The following TLE1 variants were observed in gnomAD, a reference collection of about 807,000 sequenced individuals.
The protein encoded by TLE1 is transducin-like enhancer protein 1.
A neutral mutation model predicts 89.8 loss-of-function variants in TLE1; 21 were observed. The observed-to-expected ratio is 0.23, with a 90% CI of 0.17 to 0.34. TLE1 has a LOEUF of 0.34. Ranked by LOEUF, TLE1 falls within the 10% of genes least tolerant of loss-of-function variation. The probability of loss-of-function intolerance (pLI) is 1.00; values close to 1 mark genes in which losing one functional copy is unlikely to be tolerated. For synonymous variants in TLE1, 447 were observed against 407.6 expected, an observed-to-expected ratio of 1.10 and a Z score of -1.16; for missense variants, 795 against 1,031.2, an observed-to-expected ratio of 0.77 and a Z score of 3.14.
At chr9:81,596,949 C>G (rs55791956) in intron 14 of TLE1, among the ~76,000 whole-genome samples, 3,187 of 152,230 alleles carry the variant, frequency 0.021, 51 homozygotes, top group Non-Finnish European at 0.035. Context: ...GATTCATTTA[C>G]TTATTCAAGA....
intron 4 of TLE1, among the ~76,000 whole-genome samples, chr9:81,658,336 C>A (rs892094287): frequency 2.0e-5 from 3 of 152,008 alleles, no homozygotes; most frequent in Non-Finnish European, 4.4e-5. Context: ...ACTGGATAAG[C>A]CTGAAACAGG....
intron 4 of TLE1, among the ~76,000 whole-genome samples, chr9:81,659,974 T>C (rs983484887): frequency 5.9e-5 from 9 of 152,114 alleles, no homozygotes; most frequent in African/African-American, 2.2e-4. Context: ...ATAAACGCAC[T>C]CTTCTCTAGG....
intron 4 of TLE1, among the ~76,000 whole-genome samples, chr9:81,676,414 A>G (rs1040731349): frequency 2.0e-5 from 3 of 152,198 alleles, no homozygotes; most frequent in Admixed American, 2.0e-4. Context: ...GGCCGCCTTG[A>G]AGTAAACAGG....
At chr9:81,673,618 C>T (rs1468416059) in intron 4 of TLE1, among the ~76,000 whole-genome samples, 2 of 152,146 alleles carry the variant, frequency 1.3e-5, no homozygotes, top group African/African-American at 4.8e-5. Flanking sequence ...GTGCTACTGT[C>T]ATCCCCTAAT....
At chr9:81,622,438 C>CT (rs1478181564) in intron 8 of TLE1, among the ~76,000 whole-genome samples, 1 of 150,540 alleles carries the variant, frequency 6.6e-6, no homozygotes, top group African/African-American at 2.5e-5. Context: ...TTCTTAATGT[C>CT]TTGTTTTTTT....
chr9:81,627,820 A>G (rs1449307595), intron 8 of TLE1, among the ~76,000 whole-genome samples: 7 of 152,196 alleles, frequency 4.6e-5, no homozygotes, highest in Non-Finnish European at 8.8e-5. Context: ...AGCAGCTGAG[A>G]TCAGTTTCAC....
chr9:81,682,767 T>C (rs1833788731), intron 4 of TLE1, among the ~76,000 whole-genome samples: 1 of 152,204 alleles, frequency 6.6e-6, no homozygotes, highest in Admixed American at 6.5e-5. Flanking sequence ...TGTCTACCTC[T>C]ACTGTATAGA....
At chr9:81,601,040 C>T (rs1243372679) in intron 14 of TLE1, among the ~76,000 whole-genome samples, 1 of 152,176 alleles carries the variant, frequency 6.6e-6, no homozygotes, top group African/African-American at 2.4e-5. Flanking sequence ...CCAATCCCTC[C>T]AAATAACTCC....
intron 4 of TLE1, among the ~76,000 whole-genome samples, chr9:81,677,747 T>A (rs1588236023): frequency 6.6e-6 from 1 of 152,184 alleles, no homozygotes; most frequent in South Asian, 2.1e-4. Context: ...CTGCAAGATT[T>A]GGACGCGCAA....
chr9:81,644,887 G>A lies in TLE1; in HGVS notation c.372+7327C>T, dbSNP rs188175281. On this transcript the variant is annotated intron_variant, in intron 6 of 19. Transcript: ENST00000376499. ...TGTGTGCCTGTAATCCCAATTACTC[G>A]GGAGGCTGAGGCAGGAGAATCGTTT... 9.3e-5 allele frequency among the ~76,000 whole-genome samples: 14 copies of A among 151,228 alleles called. No individual in the cohort carries two copies. The East Asian group carries it at 9.8e-4, about 11-fold the overall frequency.
chr9:81,646,396 G>A (rs1467338252), intron 6 of TLE1, among the ~76,000 whole-genome samples: 2 of 152,138 alleles, frequency 1.3e-5, no homozygotes, highest in African/African-American at 4.8e-5. Flanking sequence ...TAGAGAGTAC[G>A]TCACTAAATA....
At chr9:81,623,615 CT>C (rs377660324) in intron 8 of TLE1, among the ~76,000 whole-genome samples, 23,020 of 112,474 alleles carry the variant, frequency 0.2, 3,647 homozygotes, top group East Asian at 0.62. Flanking sequence ...CCCATCTGTA[CT>C]TAAAAAAAAA....
At chr9:81,600,180 A>G (rs1830730255) in intron 14 of TLE1, 3 of 687,076 alleles carry the variant, frequency 4.4e-6, no homozygotes, top group Non-Finnish European at 8.0e-6. Flanking sequence ...AAAGAGGCTT[A>G]ATATATTGCT....
chr9:81,631,088 CAT>C (rs1826533849), intron 8 of TLE1, among the ~76,000 whole-genome samples: 3 of 152,282 alleles, frequency 2.0e-5, no homozygotes, highest in Admixed American at 1.3e-4. Flanking sequence ...AAAAAAGATA[CAT>C]GTCCAAAACA....
intron 8 of TLE1, among the ~76,000 whole-genome samples, chr9:81,626,228 A>G (rs1825889760): frequency 6.6e-6 from 1 of 152,168 alleles, no homozygotes; most frequent in Admixed American, 6.5e-5. Context: ...ACAGATTGGA[A>G]ACTCGTGACA....
chr9:81,664,604 A>G (rs1437099298), intron 4 of TLE1, among the ~76,000 whole-genome samples: 1 of 152,040 alleles, frequency 6.6e-6, no homozygotes, highest in Non-Finnish European at 1.5e-5. Flanking sequence ...GCTCACGCCT[A>G]CAATCCCAGC....
At position 81,584,559 on chromosome 9, in the gene TLE1, G is replaced by A. The variant is rs938066631; in HGVS notation, c.2129-35C>T. 4 of 1,598,682 alleles carry A rather than the reference G, an allele frequency of 2.5e-6. No individual in the cohort carries two copies. The African/African-American group carries it at 4.0e-5, about 16-fold the overall frequency. On this transcript the variant is annotated intron_variant, in intron 18 of 19. Transcript: ENST00000376499. ...GCAAAGGAATATCTAGTTTTCACAA[G>A]GTTAAAATTCCTACTATACAATTAG...
At chr9:81,590,162 C>CTG (rs1829271604) in intron 16 of TLE1, among the ~76,000 whole-genome samples, 1 of 145,812 alleles carries the variant, frequency 6.9e-6, no homozygotes, top group Admixed American at 6.7e-5. Context: ...GAGAACAGCT[C>CTG]TGGTGTGAGC....
chr9:81,612,163 T>G, intron 12 of TLE1: 1 of 634,270 alleles, frequency 1.6e-6, no homozygotes, highest in Non-Finnish European at 2.3e-6. Flanking sequence ...AAGAAAAGAC[T>G]CCAGGGGAAG....
Sources: allele counts gnomAD v4.1 joint callset (sites outside exome capture counted in the v4.1 genomes callset), GRCh38; gene constraint gnomAD v4.1.1; transcripts MANE v1.5; gene names NCBI Gene and HGNC (gene_info 2026-07-23, HGNC 2026-07-21).